The following MYPN variants were observed in gnomAD, a reference collection of about 807,000 sequenced individuals.
MYPN encodes sarcomeric protein myopalladin, 145 kDa (MYOP).
MYPN carries 63 observed loss-of-function variants against 129.4 expected under a neutral mutation model. The observed-to-expected ratio is 0.49, with a 90% CI of 0.40 to 0.60. MYPN has a LOEUF of 0.60. MYPN is among the 20% of genes least tolerant of loss of function. The pLI is 0.00. For missense variants in MYPN, 1,596 were observed against 1,635.4 expected, an observed-to-expected ratio of 0.98 and a Z score of 0.42; for synonymous variants, 629 against 600.9, an observed-to-expected ratio of 1.05 and a Z score of -0.68.
intron 19 of MYPN, among the ~76,000 whole-genome samples, chr10:68,209,461 G>A (rs988411377): frequency 1.3e-5 from 2 of 152,124 alleles, no homozygotes; most frequent in Non-Finnish European, 2.9e-5. Flanking sequence ...GGTGATTAGG[G>A]TGTGAGGTAG....
chr10:68,137,681 G>A (rs554415095), intron 2 of MYPN, among the ~76,000 whole-genome samples: 2 of 151,994 alleles, frequency 1.3e-5, no homozygotes, highest in South Asian at 2.1e-4. Context: ...TAAACTTACC[G>A]TGGAGAATAC....
intron 12 of MYPN, among the ~76,000 whole-genome samples, chr10:68,176,043 T>G (rs1299040097): frequency 6.6e-6 from 1 of 152,162 alleles, no homozygotes; most frequent in Non-Finnish European, 1.5e-5. Flanking sequence ...ACACCCAGCC[T>G]ATGACCTAGA....
At chr10:68,163,187 C>T (rs1303872705) in intron 8 of MYPN, among the ~76,000 whole-genome samples, 2 of 152,062 alleles carry the variant, frequency 1.3e-5, no homozygotes, top group Non-Finnish European at 2.9e-5. Context: ...CCCAGCTACT[C>T]GGGAGGCTCA....
rs746787808 is a variant in MYPN, at chr10:68,166,411, C to T, written c.1718C>T (p.Pro573Leu). 6 of 1,614,118 alleles carry T rather than the reference C, an allele frequency of 3.7e-6. No homozygotes were observed. The highest frequency in any genetic ancestry group is 1.1e-5 in the South Asian group (1 of 91,066). The change falls in exon 10 of 20, where the codon CCC (proline) becomes CTC (leucine). Residue 573 changes from proline (P) to leucine (L), a missense_variant. Pro to Leu is a moderately conservative substitution (Grantham distance 98). Coordinates refer to ENST00000358913, the MANE Select transcript of MYPN (RefSeq NM_032578.4). Reference protein sequence around the residue: ...PHSEPPSVEQPPKPKLEGVLV... With the variant: ...PHSEPPSVEQLPKPKLEGVLV... ...TCAGAGCCTCCATCTGTGGAACAACCCCCCAAACCCAAACTCGAGGGGGTT... is the reference window on the plus strand; with the variant it reads ...TCAGAGCCTCCATCTGTGGAACAACTCCCCAAACCCAAACTCGAGGGGGTT...
intron 2 of MYPN, among the ~76,000 whole-genome samples, chr10:68,124,132 C>T (rs1190582517): frequency 6.6e-6 from 1 of 152,108 alleles, no homozygotes; most frequent in East Asian, 1.9e-4. Context: ...ATTTTGCATT[C>T]TAAGTTTATT....
chr10:68,201,266 T>A (rs1254616848), intron 17 of MYPN, among the ~76,000 whole-genome samples: 1 of 152,220 alleles, frequency 6.6e-6, no homozygotes, highest in Non-Finnish European at 1.5e-5. Context: ...AAGTATTGCC[T>A]CTCGTGGGAT....
At chr10:68,108,340 C>A (rs76755063), upstream of MYPN, among the ~76,000 whole-genome samples, 7,668 of 152,244 alleles carry the variant, frequency 0.05, 521 homozygotes, top group East Asian at 0.2. Flanking sequence ...AATGTACTAT[C>A]AATAGTCTCA....
Position 68,194,371 on chromosome 10 carries a change from G to A in MYPN, c.2934G>A (p.Trp978Ter). ...IVGIPVPKVY[W>*]FKDGKQISKR... is the part of the protein sequence containing the mutation. ...ATAATTTTTCATTTCAGGTTTACTG[G>A]TTCAAAGATGGGAAGCAGATTTCTA... The change falls in exon 14 of 20, where the codon TGG (tryptophan) becomes TGA (stop). Residue 978 changes from tryptophan to a stop codon, truncating the protein, a stop_gained. Transcript: ENST00000358913. LOFTEE classifies it high-confidence loss of function. The A allele has an allele frequency of 1.2e-6, 2 of 1,613,042 alleles. No homozygotes were observed. The highest frequency in any genetic ancestry group is 1.7e-6 in the Non-Finnish European group (2 of 1,179,386).
At chr10:68,153,464 T>C (rs1436373316) in intron 6 of MYPN, among the ~76,000 whole-genome samples, 3 of 152,182 alleles carry the variant, frequency 2.0e-5, no homozygotes, top group Non-Finnish European at 2.9e-5. Context: ...CTTTGTTTGT[T>C]AGATAAAATA....
intron 2 of MYPN, chr10:68,135,522 C>A (rs538191984): frequency 4.1e-6 from 4 of 982,706 alleles, no homozygotes; most frequent in Non-Finnish European, 2.4e-6. Flanking sequence ...TGTGAGTAAG[C>A]AAATGTACTA....
In MYPN at chr10:68,203,411, A is replaced by G. The variant is rs982924186; in HGVS notation, c.3659+1417A>G. Among the ~76,000 whole-genome samples, 3 of 150,348 alleles carry G rather than the reference A, an allele frequency of 2.0e-5. No individual in the cohort carries two copies. In the South Asian group the frequency reaches 6.4e-4, roughly 32 times the overall value. On this transcript the variant is annotated intron_variant, in intron 18 of 19. Transcript: ENST00000358913. ...GAAGACTAGCCTGGGCAACATAGCAAGACCCCATCTCTAAAAAAAAAAAAT... is the reference window on the plus strand; with the variant it reads ...GAAGACTAGCCTGGGCAACATAGCAGGACCCCATCTCTAAAAAAAAAAAAT...
chr10:68,154,368 G>T (rs961380569), intron 6 of MYPN, among the ~76,000 whole-genome samples: 1 of 152,194 alleles, frequency 6.6e-6, no homozygotes, highest in Non-Finnish European at 1.5e-5. Flanking sequence ...GTAATTTGAA[G>T]AGTGCAAGGG....
chr10:68,105,568 T>C (rs186638692), upstream of MYPN, among the ~76,000 whole-genome samples: 43 of 152,340 alleles, frequency 2.8e-4, no homozygotes, highest in East Asian at 6.4e-3. Flanking sequence ...TTGGAAATAA[T>C]ACTTTTTGAA....
intron 12 of MYPN, among the ~76,000 whole-genome samples, chr10:68,182,595 C>T (rs912582364): frequency 6.6e-6 from 1 of 151,084 alleles, no homozygotes; most frequent in Non-Finnish European, 1.5e-5. Flanking sequence ...CAACCTGTGC[C>T]TCCCGGGTTC....
At position 68,114,980 on chromosome 10, in the gene MYPN, G is replaced by A. The variant is rs892964671; in HGVS notation, c.-2+5257G>A. Among the ~76,000 whole-genome samples the A allele has an allele frequency of 1.2e-4, 18 of 152,058 alleles. No homozygotes were observed. The East Asian group carries it at 3.5e-3, about 29-fold the overall frequency. ...AAACAAACTCAAATATCACTGTGAC[G>A]GGGCATGGTGGCTCACGCCTGTAAT... On this transcript the variant is annotated intron_variant, in intron 1 of 19. Coordinates refer to ENST00000358913, the MANE Select transcript of MYPN (RefSeq NM_032578.4).
chr10:68,171,917 A>G (rs960772), intron 10 of MYPN, among the ~76,000 whole-genome samples: 62,043 of 152,150 alleles, frequency 0.41, 14,200 homozygotes, highest in Non-Finnish European at 0.52. Flanking sequence ...AGAAATTGTC[A>G]TTGCCAAAAC....
intron 6 of MYPN, among the ~76,000 whole-genome samples, chr10:68,153,828 T>C (rs926449970): frequency 6.6e-6 from 1 of 152,322 alleles, no homozygotes; most frequent in East Asian, 1.9e-4. Context: ...CTGCCCTATT[T>C]ACTTGTTTAG....
At chr10:68,132,954 C>T (rs1278748117) in intron 2 of MYPN, among the ~76,000 whole-genome samples, 2 of 151,700 alleles carry the variant, frequency 1.3e-5, no homozygotes, top group Admixed American at 1.3e-4. Context: ...GCACATGGGC[C>T]TATCTTCTCT....
intron 2 of MYPN, among the ~76,000 whole-genome samples, chr10:68,129,251 A>G (rs1589536048): frequency 6.6e-6 from 1 of 152,190 alleles, no homozygotes; most frequent in South Asian, 2.1e-4. Context: ...GCAAAGGGGT[A>G]CATTGTTCTA....
Sources: gnomAD v4.1 joint callset for allele counts (sites outside exome capture counted in the v4.1 genomes callset) on GRCh38, gnomAD v4.1.1 for gene constraint, MANE v1.5 for transcripts, NCBI Gene and HGNC (gene_info 2026-07-23, HGNC 2026-07-21) for gene names.